Variants in CIT observed in about 807,000 individuals in gnomAD.
CIT encodes the protein citron rho-interacting serine/threonine kinase, also known as citron Rho-interacting kinase.
Under a neutral mutation model 272.7 loss-of-function variants are expected in CIT, and 79 were observed. The ratio of observed to expected loss-of-function variants is 0.29; its 90% CI spans 0.24 to 0.35. The LOEUF (loss-of-function observed/expected upper bound fraction) is 0.35. Ranked by LOEUF, CIT falls within the 10% of genes least tolerant of loss-of-function variation. The pLI is 1.00. For synonymous variants in CIT, 948 were observed against 995.6 expected, an observed-to-expected ratio of 0.95 and a Z score of 0.90; for missense variants, 1,909 against 2,618.3, an observed-to-expected ratio of 0.73 and a Z score of 5.91.
intron 13 of CIT, among the ~76,000 whole-genome samples, chr12:119,780,076 C>G (rs1048621398): frequency 6.6e-6 from 1 of 152,108 alleles, no homozygotes; most frequent in African/African-American, 2.4e-5. Flanking sequence ...CTGAATGGAG[C>G]TTCAGAATTT....
At chr12:119,742,603 T>C in intron 23 of CIT, 139 bp from the exon 24 acceptor site, 2 of 578,868 alleles carry the variant, frequency 3.5e-6, no homozygotes. Context: ...AAGAACTAAT[T>C]AATCAAATCA....
At chr12:119,696,344 C>T (rs183973386) in intron 46 of CIT, among the ~76,000 whole-genome samples, 12 of 152,278 alleles carry the variant, frequency 7.9e-5, no homozygotes, top group Non-Finnish European at 1.3e-4. Context: ...GCAGAGGTGC[C>T]AAATACCCAT....
Position 119,847,110 on chromosome 12 carries a change from G to A in CIT, c.516+3064C>T, listed in dbSNP as rs563979202. Among the ~76,000 whole-genome samples, 402 of 151,758 alleles carry A rather than the reference G, an allele frequency of 2.6e-3. 3 individuals are homozygous for A. The highest frequency in any genetic ancestry group is 5.0e-3 in the Non-Finnish European group (337 of 67,888). On this transcript the variant is annotated intron_variant, in intron 5 of 47. Coordinates refer to ENST00000392521, the MANE Select transcript of CIT (RefSeq NM_001206999.2). ...CACCGTTCTCCTCCCTCAGCCTCCC[G>A]AGTAGCTGGGACTACAGGCACCCGC...
chr12:119,735,109 A>G lies in CIT; in HGVS notation c.3156+51T>C, dbSNP rs752132452. ...GGAGAACGCACCAAGCACTCCTAAA[A>G]TCCTTCTAAAAGTCCTCCAGGGATC... On this transcript the variant is annotated intron_variant, in intron 25 of 47. Transcript: ENST00000392521. 6.3e-6 allele frequency: 10 copies of G among 1,587,730 alleles called. No individual in the cohort carries two copies. In the East Asian group the frequency reaches 2.0e-4, roughly 32 times the overall value.
At chr12:119,719,589 C>T (rs972969567) in intron 30 of CIT, among the ~76,000 whole-genome samples, 1 of 152,180 alleles carries the variant, frequency 6.6e-6, no homozygotes, top group Non-Finnish European at 1.5e-5. Flanking sequence ...TAGTGGGAGG[C>T]GGCCTCTGAA....
chr12:119,856,015 C>T (rs1046301132), intron 4 of CIT, among the ~76,000 whole-genome samples: 7 of 152,180 alleles, frequency 4.6e-5, no homozygotes, highest in Non-Finnish European at 1.0e-4. Flanking sequence ...TCCTCTCTTC[C>T]AAATTATCTG....
intron 23 of CIT, among the ~76,000 whole-genome samples, chr12:119,743,568 C>T (rs1401587756): frequency 6.6e-6 from 1 of 152,156 alleles, no homozygotes; most frequent in African/African-American, 2.4e-5. Flanking sequence ...GAATTGAAAA[C>T]ATCAGAATGT....
Position 119,704,367 on chromosome 12 carries a change from C to T in CIT, c.5300G>A (p.Arg1767Gln), listed in dbSNP as rs1233714779. The change falls in exon 41 of 48, where the codon CGG becomes CAG. Residue 1767 changes from arginine (R) to glutamine (Q), a missense_variant. This residue lies in a region of CIT where 780 missense variants were observed against 1,067.2 expected (regional missense o/e 0.73). Coordinates refer to ENST00000392521, the MANE Select transcript of CIT (RefSeq NM_001206999.2). ...YNENLSKYCI[R>Q]KEIETSEPCS... Reference sequence around the variant, plus strand: ...AAGGCAAGGCCCAGGACTTACTTTCCGGATGCAGTATTTGCTGAGGTTTTC... The same window carrying T: ...AAGGCAAGGCCCAGGACTTACTTTCTGGATGCAGTATTTGCTGAGGTTTTC... The T allele has an allele frequency of 1.9e-6, 3 of 1,613,744 alleles. No homozygotes were observed. Among genetic ancestry groups the T allele is most frequent in the Admixed American group, 1.7e-5 (1 of 59,990 alleles).
At chr12:119,816,463 A>G (rs1431309664) in intron 9 of CIT, among the ~76,000 whole-genome samples, 2 of 152,164 alleles carry the variant, frequency 1.3e-5, no homozygotes, top group South Asian at 2.1e-4. Context: ...AACGAGGAAG[A>G]CCCACAAAGA....
intron 2 of CIT, among the ~76,000 whole-genome samples, 197 bp from the exon 3 acceptor site, chr12:119,869,398 T>G (rs1467523850): frequency 1.3e-5 from 2 of 152,240 alleles, no homozygotes; most frequent in African/African-American, 4.8e-5. Context: ...ATTCCAAGAC[T>G]GTGGGTTTCT....
intron 9 of CIT, among the ~76,000 whole-genome samples, chr12:119,818,204 A>C (rs1030636971): frequency 6.6e-6 from 1 of 152,232 alleles, no homozygotes; most frequent in Non-Finnish European, 1.5e-5. Context: ...TACATTTGAC[A>C]GAAGTGTTTT....
intron 9 of CIT, among the ~76,000 whole-genome samples, chr12:119,816,333 G>C (rs79168200): frequency 1.4e-4 from 22 of 152,252 alleles, no homozygotes; most frequent in Non-Finnish European, 2.4e-4. Context: ...GTCCATCTAA[G>C]AGAAAAGCTT....
Position 119,703,875 on chromosome 12 carries a change from C to T in CIT, c.5304+488G>A, listed in dbSNP as rs144210071. Reference sequence around the variant, plus strand: ...ACACACATCTCGTCCATATTGCAGTCATCATCACAGCTCACTCTGCTCCGA... The same window carrying T: ...ACACACATCTCGTCCATATTGCAGTTATCATCACAGCTCACTCTGCTCCGA... On this transcript the variant is annotated intron_variant, in intron 41 of 47. Coordinates refer to ENST00000392521, the MANE Select transcript of CIT (RefSeq NM_001206999.2). Among the ~76,000 whole-genome samples, 5 of 152,338 alleles carry T rather than the reference C, an allele frequency of 3.3e-5. No homozygotes were observed. The East Asian group carries it at 9.6e-4, about 29-fold the overall frequency.
chr12:119,833,963 G>A, intron 6 of CIT, 123 bp downstream of exon 6: 1 of 1,026,618 alleles, frequency 9.7e-7, no homozygotes, highest in Non-Finnish European at 1.4e-6. Flanking sequence ...TGGTAGACTG[G>A]CTAAAAACTG....
Position 119,752,179 on chromosome 12 carries a change from C to A in CIT, c.2775G>T (p.Leu925=). The A allele has an allele frequency of 1.2e-6, 2 of 1,612,320 alleles. No individual in the cohort carries two copies. Among genetic ancestry groups the A allele is most frequent in the African/African-American group, 2.7e-5 (2 of 75,062 alleles). ...CTGTCAACTGTGACTCGCGCTCCTG[C>A]AGGGAGAGCTGTAGCTCTGTGAGCT... ...KRQLTELQLS[L]QERESQLTAL... Residue 925 remains leucine, a synonymous_variant, in exon 23 of 48, where the codon CTG becomes CTT. Transcript: ENST00000392521.
chr12:119,783,532 T>C (rs888933431), intron 12 of CIT: 1 of 159,540 alleles, frequency 6.3e-6, no homozygotes, highest in African/African-American at 2.4e-5. Context: ...TGAAAGTAAG[T>C]TTTCTTGTAC....
chr12:119,827,576 T>TACAGGTGCATGCCACC (rs1442156749), intron 7 of CIT, among the ~76,000 whole-genome samples: 1 of 152,128 alleles, frequency 6.6e-6, no homozygotes, highest in African/African-American at 2.4e-5. Flanking sequence ...TAACTGCGAC[T>TACAGGTGCATGCCACC]ACAGGTGCAT....
chr12:119,702,638 G>A (rs1330980024), intron 41 of CIT, among the ~76,000 whole-genome samples: 1 of 151,898 alleles, frequency 6.6e-6, no homozygotes, highest in Non-Finnish European at 1.5e-5. Flanking sequence ...AGTGGGCTGA[G>A]ATAGTGCCAT....
At chr12:119,856,986 T>A (rs1261886165) in intron 4 of CIT, among the ~76,000 whole-genome samples, 3 of 152,174 alleles carry the variant, frequency 2.0e-5, no homozygotes, top group Admixed American at 6.5e-5. Context: ...AGCAAATGAA[T>A]CAATATGTCT....
Sources: gnomAD v4.1 joint callset for allele counts (sites outside exome capture counted in the v4.1 genomes callset) on GRCh38, gnomAD v4.1.1 for gene constraint, gnomAD v4.1.1 regional missense constraint, MANE v1.5 for transcripts, NCBI Gene and HGNC (gene_info 2026-07-23, HGNC 2026-07-21) for gene names.